The following DHRS11 variants were observed in gnomAD, a reference collection of about 807,000 sequenced individuals.
DHRS11 encodes the protein dehydrogenase/reductase 11, also known as dehydrogenase/reductase SDR family member 11.
In DHRS11, 18 loss-of-function variants were observed where a neutral mutation model predicts 30.7. The ratio of observed to expected loss-of-function variants is 0.59; its 90% CI spans 0.41 to 0.87. The LOEUF is 0.87. DHRS11 is among the 40% of genes least tolerant of loss of function. The pLI, the probability that DHRS11 is intolerant of heterozygous loss-of-function variation, is 0.00. For synonymous variants in DHRS11, 123 were observed against 139.6 expected (o/e 0.88, Z 0.84); for missense variants, 300 against 349.0 (o/e 0.86, Z 1.12).
Position 36,592,611 on chromosome 17 carries a change from C to CG in DHRS11, c.147+460dup, listed in dbSNP as rs1321372966. On this transcript the variant is annotated intron_variant, in intron 1 of 6. Coordinates refer to ENST00000618403, the MANE Select transcript of DHRS11 (RefSeq NM_024308.4). The surrounding 1 kb of genome is among the most constrained non-coding windows in gnomAD (Gnocchi z 4.4). ...GAGCCTCAGCCCCGCCCCCTCACCT[C>CG]GGGGGTAACTCATGCCCAGTGGCAT... Among the ~76,000 whole-genome samples, 3 of 152,124 alleles carry CG rather than the reference C, an allele frequency of 2.0e-5. No individual in the cohort carries two copies. Among genetic ancestry groups the CG allele is most frequent in the East Asian group, 1.9e-4 (1 of 5,178 alleles).
chr17:36,599,589 C>A, intron 4 of DHRS11, 82 bp from the exon 5 acceptor site: 1 of 1,421,692 alleles, frequency 7.0e-7, no homozygotes, highest in Non-Finnish European at 9.9e-7. Context: ...AGCTGGGGTT[C>A]TGTGGCCTCC....
chr17:36,595,043 G>C lies in DHRS11; in HGVS notation c.220G>C (p.Glu74Gln), dbSNP rs780440333. ...CCCCTACAGATGTGACCTATCAAAT[G>C]AAGAGGACATCCTCTCCATGTTCTC... is the stretch of plus-strand genomic sequence containing the variant. ...LIPYRCDLSNEEDILSMFSAI... is the reference protein window; with the variant it reads ...LIPYRCDLSNQEDILSMFSAI... The change falls in exon 2 of 7, where the codon GAA (glutamate) becomes CAA (glutamine). Residue 74 changes from glutamate (E) to glutamine (Q), a missense_variant. By Grantham distance (29) the Glu-to-Gln change is conservative. Coordinates refer to ENST00000618403, the MANE Select transcript of DHRS11 (RefSeq NM_024308.4). 6.2e-7 allele frequency: 1 copy of C among 1,614,220 alleles called. No individual in the cohort carries two copies. Among genetic ancestry groups the C allele is most frequent in the Admixed American group, 1.7e-5 (1 of 60,034 alleles).
chr17:36,600,280 T>A lies in DHRS11; in HGVS notation c.*77T>A. The A allele has an allele frequency of 1.3e-6, 2 of 1,576,034 alleles. No homozygotes were observed. The highest frequency in any genetic ancestry group is 1.7e-6 in the Non-Finnish European group (2 of 1,148,830). The stretch of plus-strand genomic sequence containing the variant: ...CCTCTGGATTTTAGGTGTTGATTTC[T>A]GGATCACGGGATACCACTTCCTGTC... On this transcript the variant is annotated 3_prime_UTR_variant, in exon 7 of 7. Coordinates refer to ENST00000618403, the MANE Select transcript of DHRS11 (RefSeq NM_024308.4).
intron 2 of DHRS11, chr17:36,596,982 A>G: frequency 4.5e-6 from 2 of 439,642 alleles, no homozygotes; most frequent in South Asian, 3.3e-5. Context: ...TGAGGGACTT[A>G]CATTAAATTC....
In DHRS11 at chr17:36,598,175, G is replaced by T. The variant is rs1413138156; in HGVS notation, c.370G>T (p.Ala124Ser). Reference sequence around the variant, plus strand: ...CCCTGGCCTGCAGGTGAACGTGCTGGCCCTCAGCATCTGCACACGGGAAGC... The same window carrying T: ...CCCTGGCCTGCAGGTGAACGTGCTGTCCCTCAGCATCTGCACACGGGAAGC... The part of the protein sequence containing the change: ...WKDMFNVNVL[A>S]LSICTREAYQ... The change falls in exon 3 of 7, where the codon GCC becomes TCC. Residue 124 changes from alanine (A) to serine (S), a missense_variant. By Grantham distance (99) the Ala-to-Ser change is moderately conservative. Coordinates refer to ENST00000618403, the MANE Select transcript of DHRS11 (RefSeq NM_024308.4). 1.2e-6 allele frequency: 2 copies of T among 1,613,944 alleles called. No individual in the cohort carries two copies. Among genetic ancestry groups the T allele is most frequent in the Non-Finnish European group, 1.7e-6 (2 of 1,179,986 alleles).
chr17:36,592,797 C>G lies in DHRS11; in HGVS notation c.147+641C>G, dbSNP rs2074778832. Among the ~76,000 whole-genome samples the G allele has an allele frequency of 6.6e-6, 1 of 152,158 alleles. No individual in the cohort carries two copies. Among genetic ancestry groups the G allele is most frequent in the Non-Finnish European group, 1.5e-5 (1 of 68,036 alleles). ...GAGCCCTCAGAGCTCAGAGAAAAAT[C>G]AAGATGGCCATTTTGGAGCAGGGAG... On this transcript the variant is annotated intron_variant, in intron 1 of 6. Transcript: ENST00000618403. This position sits in a 1 kb window ranked among gnomAD's most constrained non-coding sequence, Gnocchi z 4.4.
At position 36,600,311 on chromosome 17, in the gene DHRS11, C is replaced by A; in HGVS notation, c.*108C>A. 1 of 1,322,730 alleles carries A rather than the reference C, an allele frequency of 7.6e-7. No individual in the cohort carries two copies. The highest frequency in any genetic ancestry group is 1.1e-6 in the Non-Finnish European group (1 of 939,942). The allele number at this position is 1,322,730 out of a possible 1,614,324, so 81.9% of individuals were successfully genotyped here. A position where few individuals can be genotyped will look rare whatever the true frequency, so the allele number is the denominator to read the frequency against. On this transcript the variant is annotated 3_prime_UTR_variant, in exon 7 of 7. Transcript: ENST00000618403. The stretch of plus-strand genomic sequence containing the variant: ...ACGGGATACCACTTCCTGTCCACAC[C>A]CCGACCAGGGGCTAGAAAATTTGTT...
At chr17:36,598,849 G>T in intron 3 of DHRS11, 72 bp from the exon 4 acceptor site, 1 of 1,544,354 alleles carries the variant, frequency 6.5e-7, no homozygotes, top group Non-Finnish European at 8.7e-7. Context: ...GGGCTGACCG[G>T]GTACGGCAGG....
chr17:36,600,241 T>C lies in DHRS11; in HGVS notation c.*38T>C. On this transcript the variant is annotated 3_prime_UTR_variant, in exon 7 of 7. Transcript: ENST00000618403. The stretch of plus-strand genomic sequence containing the variant: ...CTCCTCCTTCCCTCCCCACCCTTCA[T>C]GGCTTGCCTCCTGCCTCTGGATTTT... The C allele has an allele frequency of 6.2e-7, 1 of 1,613,602 alleles. No individual in the cohort carries two copies. The highest frequency in any genetic ancestry group is 8.5e-7 in the Non-Finnish European group (1 of 1,179,638).
rs1215221020 is a variant in DHRS11 at position 36,591,913 on chromosome 17, A to C, written c.-97A>C. ...GTGGGTCTAGGCGCGGATCGGACCC[A>C]AGCAGGTCGGCGGCGGCGGCAGGAG... On this transcript the variant is annotated 5_prime_UTR_variant, in exon 1 of 7. Transcript: ENST00000618403. The C allele has an allele frequency of 5.9e-6, 7 of 1,188,556 alleles. No homozygotes were observed. The South Asian group carries it at 2.5e-4, about 43-fold the overall frequency. The allele number at this position is 1,188,556 out of a possible 1,614,324, so 73.6% of individuals were successfully genotyped here. A position where few individuals can be genotyped will look rare whatever the true frequency, so the allele number is the denominator to read the frequency against.
Position 36,594,424 on chromosome 17 carries a change from G to GTTTA in DHRS11, c.148-523_148-520dup, listed in dbSNP as rs527857890. ...GGCCCCTGTTCCACCCAGGACTTGAGTTTATTTATTTATTTATTTATTTAT... is the reference window on the plus strand; with the variant it reads ...GGCCCCTGTTCCACCCAGGACTTGAGTTTATTTATTTATTTATTTATTTATTTAT... On this transcript the variant is annotated intron_variant, in intron 1 of 6. Transcript: ENST00000618403. Among the ~76,000 whole-genome samples, 494 of 152,062 alleles carry GTTTA rather than the reference G, an allele frequency of 3.2e-3. 5 individuals carry two copies. Among genetic ancestry groups the GTTTA allele is most frequent in the African/African-American group, 7.4e-3 (306 of 41,482 alleles).
At chr17:36,594,706 C>T (rs1357570107) in intron 1 of DHRS11, 7 of 568,304 alleles carry the variant, frequency 1.2e-5, no homozygotes, top group East Asian at 1.2e-4. Flanking sequence ...TGAGCCACCA[C>T]GCCCAGCCAG....
rs527857890 is a variant in DHRS11 at position 36,594,424 on chromosome 17, GTTTATTTATTTA to G, written c.148-531_148-520del. Reference sequence around the variant, plus strand: ...GGCCCCTGTTCCACCCAGGACTTGAGTTTATTTATTTATTTATTTATTTATTTGAGACACAGT... The same window carrying G: ...GGCCCCTGTTCCACCCAGGACTTGAGTTTATTTATTTATTTGAGACACAGT... On this transcript the variant is annotated intron_variant, in intron 1 of 6. Coordinates refer to ENST00000618403, the MANE Select transcript of DHRS11 (RefSeq NM_024308.4). 1.2e-3 allele frequency among the ~76,000 whole-genome samples: 186 copies of G among 152,070 alleles called. 1 individual carries two copies. Among genetic ancestry groups the G allele is most frequent in the African/African-American group, 4.3e-3 (180 of 41,484 alleles).
chr17:36,591,891 G>T lies in DHRS11; in HGVS notation c.-119G>T. ...CCGGAGGCAGGCCGGGACTCTGGTG[G>T]GTCTAGGCGCGGATCGGACCCAAGC... On this transcript the variant is annotated 5_prime_UTR_variant, in exon 1 of 7. Transcript: ENST00000618403. The T allele has an allele frequency of 9.3e-7, 1 of 1,073,194 alleles. No homozygotes were observed. Among genetic ancestry groups the T allele is most frequent in the Non-Finnish European group, 1.2e-6 (1 of 849,154 alleles). 66.5% of individuals were successfully genotyped at this position (1,073,194 alleles called of 1,614,324 possible).
Position 36,592,306 on chromosome 17 carries a change from C to A in DHRS11, c.147+150C>A, listed in dbSNP as rs2074773999. The stretch of plus-strand genomic sequence containing the variant: ...CTTCTCCCTTCCCCTTAAGTCTCAT[C>A]TTTGAAGGAGCCGTTTGCCCTGACA... On this transcript the variant is annotated intron_variant, in intron 1 of 6. Coordinates refer to ENST00000618403, the MANE Select transcript of DHRS11 (RefSeq NM_024308.4). This position sits in a 1 kb window ranked among gnomAD's most constrained non-coding sequence, Gnocchi z 4.4. 9.4e-7 allele frequency: 1 copy of A among 1,066,644 alleles called. No individual in the cohort carries two copies. Among genetic ancestry groups the A allele is most frequent in the Non-Finnish European group, 1.2e-6 (1 of 838,934 alleles). The allele number at this position is 1,066,644 out of a possible 1,614,324, so 66.1% of individuals were successfully genotyped here.
chr17:36,597,706 A>G (rs765351851), intron 2 of DHRS11: 28 of 200,768 alleles, frequency 1.4e-4, no homozygotes, highest in Non-Finnish European at 2.4e-4. Flanking sequence ...GAGGAGAGAG[A>G]TTTGTAAGCC....
chr17:36,592,251 G>T lies in DHRS11; in HGVS notation c.147+95G>T. 1 of 1,217,656 alleles carries T rather than the reference G, an allele frequency of 8.2e-7. No individual in the cohort carries two copies. The highest frequency in any genetic ancestry group is 4.1e-5 in the South Asian group (1 of 24,160). 75.4% of individuals were successfully genotyped at this position (1,217,656 alleles called of 1,614,324 possible). A position where few individuals can be genotyped will look rare whatever the true frequency, so the allele number is the denominator to read the frequency against. On this transcript the variant is annotated intron_variant, in intron 1 of 6. Coordinates refer to ENST00000618403, the MANE Select transcript of DHRS11 (RefSeq NM_024308.4). The surrounding 1 kb of genome is among the most constrained non-coding windows in gnomAD (Gnocchi z 4.4). ...CACGCCGGGGCCCTTTGCTCTAGTC[G>T]GGGCGGCCTCTCGGATCCCTTAAGG... is the stretch of plus-strand genomic sequence containing the variant.
In DHRS11 at chr17:36,598,238, C is replaced by A; in HGVS notation, c.433C>A (p.His145Asn). The A allele has an allele frequency of 6.2e-7, 1 of 1,614,086 alleles. No individual in the cohort carries two copies. Among genetic ancestry groups the A allele is most frequent in the Non-Finnish European group, 8.5e-7 (1 of 1,179,998 alleles). ...SMKERNVDDGHIININSMSGH... is the reference protein window; with the variant it reads ...SMKERNVDDGNIININSMSGH... ...GAAGGAGCGGAATGTGGACGATGGG[C>A]ACATCATTAACATCAATAGGTGAGG... is the stretch of plus-strand genomic sequence containing the variant. Residue 145 changes from histidine (H) to asparagine (N), a missense_variant, in exon 3 of 7, where the codon CAC becomes AAC. Coordinates refer to ENST00000618403, the MANE Select transcript of DHRS11 (RefSeq NM_024308.4).
At position 36,599,021 on chromosome 17, in the gene DHRS11, CG is replaced by C; in HGVS notation, c.556del (p.Glu186ArgfsTer39). ...GACAGAGGGACTGAGGCAAGAGCTT[CG>C]GGAGGCCCAGACCCACATCCGAGCC... is the stretch of plus-strand genomic sequence containing the variant. ...ALTEGLRQELREAQTHIRATC... is the reference protein window; with the variant it reads ...ALTEGLRQELXEAQTHIRATC... On this transcript the variant is annotated frameshift_variant, in exon 4 of 7. Transcript: ENST00000618403. LOFTEE classifies it high-confidence loss of function. 1 of 1,612,778 alleles carries C rather than the reference CG, an allele frequency of 6.2e-7. No homozygotes were observed. The highest frequency in any genetic ancestry group is 8.5e-7 in the Non-Finnish European group (1 of 1,180,002).
Sources: allele counts gnomAD v4.1 joint callset (sites outside exome capture counted in the v4.1 genomes callset), GRCh38; gene constraint gnomAD v4.1.1; non-coding constraint Gnocchi (gnomAD v3.1); transcripts MANE v1.5; gene names NCBI Gene and HGNC (gene_info 2026-07-23, HGNC 2026-07-21).